The following KLHL3 variants were observed in gnomAD, a reference collection of about 807,000 sequenced individuals.
The protein encoded by KLHL3 is kelch-like protein 3.
In KLHL3, 19 loss-of-function variants were observed where a neutral mutation model predicts 70.5. The observed-to-expected ratio is 0.27, with a 90% CI of 0.19 to 0.40. The LOEUF is 0.40. KLHL3 is among the 10% of genes least tolerant of loss of function. The pLI, the probability that KLHL3 is intolerant of heterozygous loss-of-function variation, is 1.00. For missense variants in KLHL3, 512 were observed against 771.1 expected (o/e 0.66, Z 3.98); for synonymous variants, 258 against 290.3 (o/e 0.89, Z 1.13).
intron 6 of KLHL3, among the ~76,000 whole-genome samples, chr5:137,671,380 C>T (rs916387774): frequency 1.3e-5 from 2 of 152,048 alleles, no homozygotes; most frequent in African/African-American, 4.8e-5. Context: ...TAATTATAAG[C>T]AATTATTTCT....
At chr5:137,664,322 T>A (rs1165954174) in intron 6 of KLHL3, among the ~76,000 whole-genome samples, 1 of 150,472 alleles carries the variant, frequency 6.6e-6, no homozygotes, top group Non-Finnish European at 1.5e-5. Context: ...TGTACTCCAA[T>A]CTGGGAGACG....
intron 6 of KLHL3, among the ~76,000 whole-genome samples, chr5:137,662,283 A>G (rs1033654112): frequency 6.9e-6 from 1 of 143,894 alleles, no homozygotes; most frequent in African/African-American, 2.7e-5. Flanking sequence ...ACACACACAC[A>G]CAAGGACAAA....
At chr5:137,664,139 C>G (rs963971620) in intron 6 of KLHL3, among the ~76,000 whole-genome samples, 1 of 151,792 alleles carries the variant, frequency 6.6e-6, no homozygotes, top group Non-Finnish European at 1.5e-5. Context: ...ATTGCTTGAG[C>G]CCAGGAGTTC....
At chr5:137,721,933 A>G (rs575473751) in intron 1 of KLHL3, among the ~76,000 whole-genome samples, 1 of 152,212 alleles carries the variant, frequency 6.6e-6, no homozygotes, top group Non-Finnish European at 1.5e-5. Flanking sequence ...TTTCTCCCCA[A>G]ATTGGTGAAA....
At chr5:137,679,362 G>A (rs1009390997) in intron 5 of KLHL3, among the ~76,000 whole-genome samples, 1 of 152,144 alleles carries the variant, frequency 6.6e-6, no homozygotes, top group Non-Finnish European at 1.5e-5. Flanking sequence ...AGCCACAGCT[G>A]AGCTCAGCAG....
At chr5:137,693,862 T>C (rs1752382411) in intron 4 of KLHL3, among the ~76,000 whole-genome samples, 1 of 135,676 alleles carries the variant, frequency 7.4e-6, no homozygotes, top group Non-Finnish European at 1.6e-5. Context: ...AAAAGACTTC[T>C]TTTTTTTTTT....
intron 1 of KLHL3, among the ~76,000 whole-genome samples, chr5:137,731,072 T>C (rs972424754): frequency 6.6e-6 from 1 of 151,514 alleles, no homozygotes; most frequent in African/African-American, 2.4e-5. Context: ...TTTCATCAAA[T>C]AAAGCACTTG....
intron 13 of KLHL3, among the ~76,000 whole-genome samples, chr5:137,626,926 C>A (rs144171608): frequency 9.3e-4 from 142 of 152,128 alleles, no homozygotes; most frequent in African/African-American, 3.3e-3. Context: ...ATCTCTTGAG[C>A]CCAGGAGGCA....
In KLHL3 at chr5:137,639,225, G is replaced by T; in HGVS notation, c.1022-75C>A. 2 of 1,416,294 alleles carry T rather than the reference G, an allele frequency of 1.4e-6. No individual in the cohort carries two copies. The highest frequency in any genetic ancestry group is 1.2e-5 in the South Asian group (1 of 81,280). The allele number at this position is 1,416,294 out of a possible 1,614,324, so 87.7% of individuals were successfully genotyped here. On this transcript the variant is annotated intron_variant, in intron 9 of 14. Transcript: ENST00000309755. The surrounding 1 kb of genome is among the most constrained non-coding windows in gnomAD (Gnocchi z 5.0). ...CTCATGTTGATGGATGGCAATGGAGGAGCAAGACAGACACAGGAAAAGTCG... is the reference window on the plus strand; with the variant it reads ...CTCATGTTGATGGATGGCAATGGAGTAGCAAGACAGACACAGGAAAAGTCG...
At chr5:137,730,824 T>A (rs970584259) in intron 1 of KLHL3, among the ~76,000 whole-genome samples, 4 of 152,130 alleles carry the variant, frequency 2.6e-5, no homozygotes, top group Admixed American at 1.3e-4. Context: ...TATACTTTCA[T>A]AAGTGAAAAT....
At chr5:137,704,520 T>C (rs977832559) in intron 3 of KLHL3, among the ~76,000 whole-genome samples, 2 of 152,234 alleles carry the variant, frequency 1.3e-5, no homozygotes, top group Non-Finnish European at 2.9e-5. Flanking sequence ...GGCCCCCACA[T>C]CACCAACTCC....
chr5:137,689,988 C>T (rs1752277206), intron 5 of KLHL3, among the ~76,000 whole-genome samples: 1 of 152,190 alleles, frequency 6.6e-6, no homozygotes, highest in African/African-American at 2.4e-5. Context: ...GAATTTCTGA[C>T]ATCTAAGCAC....
intron 3 of KLHL3, among the ~76,000 whole-genome samples, chr5:137,704,053 C>T (rs902399704): frequency 4.6e-5 from 7 of 152,124 alleles, no homozygotes; most frequent in African/African-American, 1.7e-4. Context: ...CCAGTCCCTT[C>T]AATAAGAAAG....
intron 5 of KLHL3, among the ~76,000 whole-genome samples, chr5:137,690,429 A>G (rs992882215): frequency 2.6e-5 from 4 of 152,146 alleles, no homozygotes; most frequent in African/African-American, 9.7e-5. Context: ...CTCCCCAGGA[A>G]GAGAAAGGGC....
chr5:137,705,861 A>T, intron 3 of KLHL3: 1 of 272,958 alleles, frequency 3.7e-6, no homozygotes, highest in Non-Finnish European at 5.6e-6. Context: ...GAGGTGCTGG[A>T]TGGGGAGGAT....
At chr5:137,708,033 A>AG (rs1221934654) in intron 3 of KLHL3, among the ~76,000 whole-genome samples, 4 of 151,774 alleles carry the variant, frequency 2.6e-5, no homozygotes, top group African/African-American at 9.7e-5. Flanking sequence ...GATGAAGGAA[A>AG]GGGGGAAAAA....
chr5:137,681,766 G>A (rs1752032733), intron 5 of KLHL3, among the ~76,000 whole-genome samples: 1 of 152,068 alleles, frequency 6.6e-6, no homozygotes, highest in Admixed American at 6.5e-5. Flanking sequence ...GGTGGACACA[G>A]AGAAAAATAA....
intron 8 of KLHL3, among the ~76,000 whole-genome samples, chr5:137,655,827 T>C (rs1047625654): frequency 2.7e-5 from 4 of 150,730 alleles, no homozygotes; most frequent in African/African-American, 7.3e-5. Flanking sequence ...TACAAAAAAA[T>C]TAAAAGAAAA....
intron 4 of KLHL3, 88 bp from the exon 5 acceptor site, chr5:137,692,535 G>T (rs1752348910): frequency 7.7e-7 from 1 of 1,306,996 alleles, no homozygotes; most frequent in Admixed American, 1.9e-5. Context: ...CCATGCTCAA[G>T]ATCTTTTCAT....
Sources: allele counts gnomAD v4.1 joint callset (sites outside exome capture counted in the v4.1 genomes callset), GRCh38; gene constraint gnomAD v4.1.1; non-coding constraint Gnocchi (gnomAD v3.1); transcripts MANE v1.5; gene names NCBI Gene and HGNC (gene_info 2026-07-23, HGNC 2026-07-21).